Variants in CRYBG3 observed in about 807,000 individuals in gnomAD.
The protein encoded by CRYBG3 is crystallin beta-gamma domain containing 3.
In CRYBG3, 127 loss-of-function variants were observed where a neutral mutation model predicts 244.2. The ratio of observed to expected loss-of-function variants is 0.52; its 90% CI spans 0.45 to 0.60. The LOEUF is 0.60. Ranked by LOEUF, CRYBG3 falls within the 20% of genes least tolerant of loss-of-function variation. The pLI is 0.00. For synonymous variants in CRYBG3, 1,132 were observed against 1,195.8 expected, an observed-to-expected ratio of 0.95 and a Z score of 1.10; for missense variants, 3,325 against 3,442.5, an observed-to-expected ratio of 0.97 and a Z score of 0.85.
chr3:97,910,936 C>G (rs2039865079), intron 15 of CRYBG3, among the ~76,000 whole-genome samples: 1 of 152,196 alleles, frequency 6.6e-6, no homozygotes. Context: ...TCCTCTATAT[C>G]TGCTAGGACT....
Position 97,899,122 on chromosome 3 carries a change from T to C in CRYBG3, c.7845-15T>C, listed in dbSNP as rs1575949202. On this transcript the variant is annotated splice_polypyrimidine_tract_variant and intron_variant, in intron 13 of 21. Coordinates refer to ENST00000389622, the MANE Select transcript of CRYBG3 (RefSeq NM_153605.4). ...CTTGTTTTTATTTTTTTGTTTTTTC[T>C]TTTTTCCCTACTAGATGGGTTGCCT... 2 of 1,598,516 alleles carry C rather than the reference T, an allele frequency of 1.3e-6. No homozygotes were observed. Among genetic ancestry groups the C allele is most frequent in the East Asian group, 4.5e-5 (2 of 44,780 alleles).
intron 2 of CRYBG3, among the ~76,000 whole-genome samples, chr3:97,846,040 C>T (rs1311786647): frequency 6.6e-6 from 1 of 152,136 alleles, no homozygotes; most frequent in Non-Finnish European, 1.5e-5. Flanking sequence ...GTCATGGATG[C>T]TCAGTATGTA....
At chr3:97,910,036 G>A (rs1352211354) in intron 15 of CRYBG3, among the ~76,000 whole-genome samples, 1 of 151,752 alleles carries the variant, frequency 6.6e-6, no homozygotes, top group Non-Finnish European at 1.5e-5. Flanking sequence ...CCCTGCCTGG[G>A]GGTGCCTCCC....
At chr3:97,930,366 T>C (rs1406999850) in intron 17 of CRYBG3, among the ~76,000 whole-genome samples, 2 of 152,102 alleles carry the variant, frequency 1.3e-5, no homozygotes, top group Non-Finnish European at 2.9e-5. Flanking sequence ...TCCACCAATA[T>C]AGTCAGGGCT....
In CRYBG3 at chr3:97,822,034, G is replaced by T; in HGVS notation, c.-173G>T. 3 of 453,730 alleles carry T rather than the reference G, an allele frequency of 6.6e-6. No homozygotes were observed. Among genetic ancestry groups the T allele is most frequent in the Non-Finnish European group, 1.1e-5 (3 of 274,932 alleles). 28.1% of individuals were successfully genotyped at this position (453,730 alleles called of 1,614,324 possible). ...GCGGCGTGAGGAGCTGCCGCGCGAG[G>T]AGCGCGTCGCGTCCGCACTTCTCCT... On this transcript the variant is annotated 5_prime_UTR_variant, in exon 1 of 22. Transcript: ENST00000389622.
rs2039363792 is a variant in CRYBG3, at chr3:97,875,740, C to T, written c.4546C>T (p.Pro1516Ser). The T allele has an allele frequency of 1.6e-6, 2 of 1,231,888 alleles. No homozygotes were observed. The highest frequency in any genetic ancestry group is 2.0e-6 in the Non-Finnish European group (2 of 987,974). 76.3% of individuals were successfully genotyped at this position (1,231,888 alleles called of 1,614,324 possible). ...CTTGCCAGGACACAGTAAAAACACACCTCTTGCAATGTCAGATGTAGGGAA... is the reference window on the plus strand; with the variant it reads ...CTTGCCAGGACACAGTAAAAACACATCTCTTGCAATGTCAGATGTAGGGAA... Reference protein sequence around the residue: ...KNLPGHSKNTPLAMSDVGKVH... With the variant: ...KNLPGHSKNTSLAMSDVGKVH... Residue 1516 changes from proline to serine, a missense_variant, in exon 4 of 22, where the codon CCT (proline) becomes TCT (serine). By Grantham distance (74) the Pro-to-Ser change is moderately conservative. This residue lies in a region of CRYBG3 where 635 missense variants were observed against 771.7 expected (regional missense o/e 0.82). Coordinates refer to ENST00000389622, the MANE Select transcript of CRYBG3 (RefSeq NM_153605.4).
chr3:97,893,105 C>T, intron 11 of CRYBG3, 112 bp downstream of exon 11: 1 of 916,386 alleles, frequency 1.1e-6, no homozygotes, highest in Non-Finnish European at 1.7e-6. Context: ...ATATACATTC[C>T]TTCTGTAATA....
chr3:97,853,631 C>T (rs150279533), intron 2 of CRYBG3, among the ~76,000 whole-genome samples: 21 of 152,208 alleles, frequency 1.4e-4, no homozygotes, highest in African/African-American at 4.8e-4. Context: ...AAGAAATCTC[C>T]GTACTATTTT....
Position 97,833,052 on chromosome 3 carries a change from A to T in CRYBG3, c.150-10143A>T, listed in dbSNP as rs573637840. 7.2e-5 allele frequency among the ~76,000 whole-genome samples: 11 copies of T among 152,262 alleles called. No homozygotes were observed. The East Asian group carries it at 1.7e-3, about 24-fold the overall frequency. ...ATGTTAGAATGGTGATCATTAAAAC[A>T]TCAGGAAACAAGAGATACTGGAGAG... On this transcript the variant is annotated intron_variant, in intron 1 of 21. Transcript: ENST00000389622.
At position 97,877,510 on chromosome 3, in the gene CRYBG3, G is replaced by A. The variant is rs769512118; in HGVS notation, c.6316G>A (p.Gly2106Ser). The A allele has an allele frequency of 2.7e-5, 44 of 1,613,940 alleles. No homozygotes were observed. The highest frequency in any genetic ancestry group is 3.4e-5 in the Non-Finnish European group (40 of 1,180,004). ...CATTCTATCTAGTGAGGTTTCACCT[G>A]GTCACCATGGCCCCAGGAAATCAAG... ...EDILSSEVSPGHHGPRKSRDS... is the reference protein window; with the variant it reads ...EDILSSEVSPSHHGPRKSRDS... The change falls in exon 4 of 22, where the codon GGT (glycine) becomes AGT (serine). Residue 2106 changes from glycine to serine, a missense_variant. By Grantham distance (56) the Gly-to-Ser change is moderately conservative (BLOSUM62 0). This residue lies in a region of CRYBG3 where 450 missense variants were observed against 424.1 expected (regional missense o/e 1.06). Transcript: ENST00000389622.
intron 1 of CRYBG3, among the ~76,000 whole-genome samples, chr3:97,832,916 A>G (rs1036033439): frequency 2.0e-5 from 3 of 152,186 alleles, no homozygotes; most frequent in Admixed American, 1.3e-4. Flanking sequence ...ATATGAAGAG[A>G]CACTTCTCAA....
At chr3:97,868,466 T>G (rs1045032742) in intron 3 of CRYBG3, among the ~76,000 whole-genome samples, 6 of 152,282 alleles carry the variant, frequency 3.9e-5, no homozygotes, top group African/African-American at 1.4e-4. Context: ...GCTGAACTTG[T>G]CACTTTGATT....
chr3:97,823,139 AAT>A (rs758323085), intron 1 of CRYBG3, among the ~76,000 whole-genome samples: 6 of 152,180 alleles, frequency 3.9e-5, no homozygotes, highest in Non-Finnish European at 5.9e-5. Flanking sequence ...AAAATCAAAA[AAT>A]TTTAGACATG....
chr3:97,873,655 C>T lies in CRYBG3; in HGVS notation c.2461C>T (p.Gln821Ter), dbSNP rs1009605051. The change falls in exon 4 of 22, where the codon CAG becomes TAG. Residue 821 changes from glutamine (Q) to a stop codon, truncating the protein, a stop_gained. Coordinates refer to ENST00000389622, the MANE Select transcript of CRYBG3 (RefSeq NM_153605.4). LOFTEE classifies it high-confidence loss of function. ...NIVSKAEIDG[Q>*]NNVLVESHSG... ...TGTATCAAAAGCTGAAATTGATGGT[C>T]AGAACAATGTTCTTGTGGAGTCACA... 1 of 1,535,022 alleles carries T rather than the reference C, an allele frequency of 6.5e-7. No individual in the cohort carries two copies. Among genetic ancestry groups the T allele is most frequent in the African/African-American group, 1.4e-5 (1 of 72,992 alleles).
chr3:97,872,842 G>A lies in CRYBG3; in HGVS notation c.1648G>A (p.Asp550Asn). The change falls in exon 4 of 22, where the codon GAT becomes AAT. Residue 550 changes from aspartate (D) to asparagine (N), a missense_variant. This residue lies in a region of CRYBG3 where 1,526 missense variants were observed against 1,443.2 expected (regional missense o/e 1.06). Transcript: ENST00000389622. ...TTCAAGTCATGTAAAAGCTCCAGAA[G>A]ATAAAATTGAGTCATTACCCAAAGA... is the stretch of plus-strand genomic sequence containing the variant. ...IASSHVKAPE[D>N]KIESLPKDTD... 1 of 1,535,908 alleles carries A rather than the reference G, an allele frequency of 6.5e-7. No individual in the cohort carries two copies. Among genetic ancestry groups the A allele is most frequent in the Non-Finnish European group, 8.7e-7 (1 of 1,146,806 alleles).
chr3:97,933,130 CT>C, intron 17 of CRYBG3: 1 of 455,220 alleles, frequency 2.2e-6, no homozygotes, highest in Non-Finnish European at 4.4e-6. Context: ...AAAAGCAATA[CT>C]GAGTCTATTC....
rs766328737 is a variant in CRYBG3, at chr3:97,871,959, C to A, written c.765C>A (p.Asp255Glu). Residue 255 changes from aspartate (D) to glutamate (E), a missense_variant, in exon 4 of 22, where the codon GAC (aspartate) becomes GAA (glutamate). Physicochemically the swap from Asp to Glu is conservative, Grantham distance 45. This residue lies in a region of CRYBG3 where 1,526 missense variants were observed against 1,443.2 expected (regional missense o/e 1.06). Transcript: ENST00000389622. ...GCTTGGCAACTGTGAATACCTTGGA[C>A]AGAGAAAATGAAAGTTCTGACTCTA... ...QTGLATVNTL[D>E]RENESSDSST... 6.5e-6 allele frequency: 10 copies of A among 1,535,798 alleles called. No homozygotes were observed. In the South Asian group the frequency reaches 1.2e-4, roughly 18 times the overall value.
At chr3:97,909,474 C>T (rs1483927530) in intron 15 of CRYBG3, among the ~76,000 whole-genome samples, 1 of 150,898 alleles carries the variant, frequency 6.6e-6, no homozygotes, top group South Asian at 2.1e-4. Flanking sequence ...TCTAAACTTC[C>T]CTTCTCGCTT....
chr3:97,935,738 C>T (rs1559748871), intron 18 of CRYBG3, among the ~76,000 whole-genome samples: 1 of 152,032 alleles, frequency 6.6e-6, no homozygotes, highest in South Asian at 2.1e-4. Context: ...TAGCTTGTGT[C>T]CTAAGCCCTG....
Sources: allele counts gnomAD v4.1 joint callset (sites outside exome capture counted in the v4.1 genomes callset), GRCh38; gene constraint gnomAD v4.1.1; regional missense constraint gnomAD v4.1.1; transcripts MANE v1.5; gene names NCBI Gene and HGNC (gene_info 2026-07-23, HGNC 2026-07-21).